The following HMCN1 variants were observed in gnomAD, a reference collection of about 807,000 sequenced individuals.
HMCN1 encodes hemicentin-1.
In HMCN1, 321 loss-of-function variants were observed where a neutral mutation model predicts 625.9. The ratio of observed to expected loss-of-function variants is 0.51; its 90% confidence interval spans 0.47 to 0.56. HMCN1 has a LOEUF of 0.56. HMCN1 is among the 20% of genes least tolerant of loss of function. The pLI, the probability that HMCN1 is intolerant of heterozygous loss-of-function variation, is 0.00. For synonymous variants in HMCN1, 2,425 were observed against 2,417.6 expected (o/e 1.00, Z -0.09); for missense variants, 6,588 against 6,887.3 (o/e 0.96, Z 1.54).
intron 1 of HMCN1, among the ~76,000 whole-genome samples, chr1:185,797,477 A>T (rs1269208188): frequency 6.6e-6 from 1 of 152,116 alleles, no homozygotes; most frequent in Non-Finnish European, 1.5e-5. Flanking sequence ...AATTAAAAAC[A>T]ATTTATTTTT....
rs760955654 is a variant in HMCN1, at chr1:186,178,728, G to T, written c.16256G>T (p.Cys5419Phe). The T allele has an allele frequency of 6.2e-7, 1 of 1,614,006 alleles. No homozygotes were observed. The highest frequency in any genetic ancestry group is 8.5e-7 in the Non-Finnish European group (1 of 1,179,896). The part of the protein sequence containing the change: ...SRTRRTIRKT[C>F]PEGSEASHDT... The stretch of plus-strand genomic sequence containing the variant: ...ACTAGAAGGACTATTAGGAAAACTT[G>T]CCCTGAAGGCTCTGAGGCAAGCCAT... Residue 5419 changes from cysteine (C) to phenylalanine (F), a missense_variant, in exon 104 of 107, where the codon TGC (cysteine) becomes TTC (phenylalanine). This residue lies in a region of HMCN1 where 1,954 missense variants were observed against 2,013.1 expected (regional missense o/e 0.97). Coordinates refer to ENST00000271588, the MANE Select transcript of HMCN1 (RefSeq NM_031935.3).
chr1:186,014,089 C>T (rs2102126691), intron 30 of HMCN1, among the ~76,000 whole-genome samples: 1 of 152,186 alleles, frequency 6.6e-6, no homozygotes. Context: ...TACATGCTGT[C>T]AGCATAACTT....
chr1:186,079,155 C>T (rs1479815481), intron 55 of HMCN1, among the ~76,000 whole-genome samples: 1 of 149,674 alleles, frequency 6.7e-6, no homozygotes, highest in Non-Finnish European at 1.5e-5. Flanking sequence ...AGCTCTCTCA[C>T]ACTAGCTCTC....
chr1:185,924,772 G>A (rs1667188298), intron 8 of HMCN1, among the ~76,000 whole-genome samples: 1 of 151,492 alleles, frequency 6.6e-6, no homozygotes, highest in Admixed American at 6.6e-5. Flanking sequence ...TTTCTATCTT[G>A]GTGGTACAAA....
intron 48 of HMCN1, among the ~76,000 whole-genome samples, chr1:186,063,103 T>TATATAC: frequency 7.7e-6 from 1 of 130,056 alleles, no homozygotes; most frequent in South Asian, 2.5e-4. Flanking sequence ...TATATATATA[T>TATATAC]CACATTTTCA....
intron 1 of HMCN1, among the ~76,000 whole-genome samples, chr1:185,783,077 T>G (rs534385346): frequency 3.3e-5 from 5 of 152,222 alleles, no homozygotes; most frequent in Non-Finnish European, 7.3e-5. Flanking sequence ...ACTTCTCTTC[T>G]TGATTCATTT....
At chr1:186,086,509 A>T in intron 58 of HMCN1, 102 bp downstream of exon 58, 1 of 1,215,842 alleles carries the variant, frequency 8.2e-7, no homozygotes, top group South Asian at 1.3e-5. Flanking sequence ...GTCGTGCTTC[A>T]TTTATTTATT....
At chr1:186,168,637 G>A in intron 100 of HMCN1, among the ~76,000 whole-genome samples, 1 of 152,048 alleles carries the variant, frequency 6.6e-6, no homozygotes, top group Admixed American at 6.6e-5. Context: ...TGAAGAGTTT[G>A]GAATATAGCA....
chr1:185,751,828 G>A (rs140296374), intron 1 of HMCN1, among the ~76,000 whole-genome samples: 129 of 151,336 alleles, frequency 8.5e-4, no homozygotes, highest in African/African-American at 3.0e-3. Flanking sequence ...GTTTCATTTG[G>A]TTCCTTTTCA....
In HMCN1 at chr1:185,920,225, A is replaced by AT. The variant is rs199567146; in HGVS notation, c.901-2146dup. On this transcript the variant is annotated intron_variant, in intron 6 of 106. Coordinates refer to ENST00000271588, the MANE Select transcript of HMCN1 (RefSeq NM_031935.3). ...TGTTTTAAAAACTTTAAATTAGCTC[A>AT]TTTTTTTTCTTTTTATTGTATGTTT... 8.7e-4 allele frequency among the ~76,000 whole-genome samples: 132 copies of AT among 151,956 alleles called. 1 individual carries two copies. Among genetic ancestry groups the AT allele is most frequent in the East Asian group, 5.8e-4 (3 of 5,178 alleles).
chr1:185,998,362 G>A (rs752261352), intron 25 of HMCN1, among the ~76,000 whole-genome samples: 3 of 152,104 alleles, frequency 2.0e-5, no homozygotes, highest in Non-Finnish European at 4.4e-5. Context: ...TCTGTGGCAA[G>A]CTTTTCAATC....
In HMCN1 at chr1:186,048,803, G is replaced by A; in HGVS notation, c.6541G>A (p.Gly2181Arg). 1.2e-6 allele frequency: 2 copies of A among 1,611,114 alleles called. No individual in the cohort carries two copies. The highest frequency in any genetic ancestry group is 1.3e-5 in the African/African-American group (1 of 74,908). The change falls in exon 42 of 107, where the codon GGA (glycine) becomes AGA (arginine). Residue 2181 changes from glycine to arginine, a missense_variant. By Grantham distance (125) the Gly-to-Arg change is moderately radical. Transcript: ENST00000271588. Reference sequence around the variant, plus strand: ...CACTTGTGAAGCAACAAATGTTGCTGGAAAAACTGAAAAAAACTACAATGT... The same window carrying A: ...CACTTGTGAAGCAACAAATGTTGCTAGAAAAACTGAAAAAAACTACAATGT... ...RYTCEATNVA[G>R]KTEKNYNVNI...
intron 103 of HMCN1, among the ~76,000 whole-genome samples, chr1:186,178,139 T>A (rs1430451253): frequency 6.6e-6 from 1 of 152,200 alleles, no homozygotes; most frequent in Non-Finnish European, 1.5e-5. Flanking sequence ...TGTGTCTTGT[T>A]GTCTGAGCCA....
At chr1:185,827,171 C>CAAAAAAAAAAAAAAAAA (rs756416016) in intron 1 of HMCN1, among the ~76,000 whole-genome samples, 1 of 43,186 alleles carries the variant, frequency 2.3e-5, no homozygotes, top group African/African-American at 6.8e-5. Context: ...GACTCCATCT[C>CAAAAAAAAAAAAAAAAA]AAAAAAAAAA....
intron 1 of HMCN1, among the ~76,000 whole-genome samples, chr1:185,814,602 T>C (rs1239014544): frequency 7.1e-6 from 1 of 140,336 alleles, no homozygotes; most frequent in African/African-American, 3.3e-5. Context: ...AATGAAGGCA[T>C]CTATTTTATA....
chr1:186,012,095 C>G (rs1654038150), intron 30 of HMCN1, among the ~76,000 whole-genome samples: 2 of 148,982 alleles, frequency 1.3e-5, no homozygotes. Flanking sequence ...ACAAAATACA[C>G]CATTTAACAC....
chr1:186,039,252 T>C (rs1656043007), intron 38 of HMCN1, among the ~76,000 whole-genome samples: 2 of 152,194 alleles, frequency 1.3e-5, no homozygotes, highest in East Asian at 3.8e-4. Context: ...TACTGTTAGC[T>C]AACAACAAAA....
intron 19 of HMCN1, among the ~76,000 whole-genome samples, chr1:185,985,397 C>A (rs1296667030): frequency 1.3e-5 from 2 of 151,884 alleles, no homozygotes; most frequent in African/African-American, 4.8e-5. Context: ...GTGGGAGTGC[C>A]CTCATGTTAT....
chr1:185,749,527 G>A (rs1455873763), intron 1 of HMCN1, among the ~76,000 whole-genome samples: 2 of 152,098 alleles, frequency 1.3e-5, no homozygotes, highest in Non-Finnish European at 2.9e-5. Context: ...CTTCTCCAGC[G>A]TTCCCCATCT....
Sources: gnomAD v4.1 joint callset for allele counts (sites outside exome capture counted in the v4.1 genomes callset) on GRCh38, gnomAD v4.1.1 for gene constraint, gnomAD v4.1.1 regional missense constraint, MANE v1.5 for transcripts, NCBI Gene and HGNC (gene_info 2026-07-23, HGNC 2026-07-21) for gene names.